Variants in SNX9 observed in about 807,000 individuals in gnomAD.
SNX9 encodes the protein sorting nexin-9.
Under a neutral mutation model 89.4 loss-of-function variants are expected in SNX9, and 44 were observed. The ratio of observed to expected loss-of-function variants is 0.49; its 90% confidence interval spans 0.39 to 0.63. The LOEUF (loss-of-function observed/expected upper bound fraction) is 0.63. SNX9 is among the 30% of genes least tolerant of loss of function. The pLI, the probability that SNX9 is intolerant of heterozygous loss-of-function variation, is 0.00. For synonymous variants in SNX9, 236 were observed against 247.8 expected, an observed-to-expected ratio of 0.95 and a Z score of 0.45; for missense variants, 578 against 736.1, an observed-to-expected ratio of 0.79 and a Z score of 2.49.
intron 13 of SNX9, chr6:157,934,047 A>G (rs954989534): frequency 1.3e-5 from 2 of 152,242 alleles, no homozygotes; most frequent in African/African-American, 4.8e-5. Context: ...TACTGTGTCC[A>G]TCACATCCAC....
chr6:157,876,935 GT>G (rs1782533079), intron 4 of SNX9, among the ~76,000 whole-genome samples: 1 of 152,246 alleles, frequency 6.6e-6, no homozygotes, highest in Non-Finnish European at 1.5e-5. Flanking sequence ...AGCCAAGCCA[GT>G]TGAGATTCAC....
At chr6:157,855,163 C>T (rs1390897856) in intron 1 of SNX9, among the ~76,000 whole-genome samples, 11 of 152,020 alleles carry the variant, frequency 7.2e-5, no homozygotes, top group Non-Finnish European at 1.6e-4. Context: ...AAGTGGTGTG[C>T]CTGATTTGTT....
chr6:157,942,066 T>A (rs1784046960), intron 17 of SNX9, among the ~76,000 whole-genome samples: 1 of 152,248 alleles, frequency 6.6e-6, no homozygotes, highest in Admixed American at 6.5e-5. Flanking sequence ...TATGGTATAG[T>A]GACATTGTAA....
At chr6:157,867,656 T>A (rs757739250) in intron 2 of SNX9, 23 bp downstream of exon 2, 5 of 1,552,660 alleles carry the variant, frequency 3.2e-6, no homozygotes, top group Non-Finnish European at 3.5e-6. Context: ...TACATTCGAG[T>A]CTGATTGTCC....
intron 1 of SNX9, among the ~76,000 whole-genome samples, chr6:157,852,688 C>G (rs969269870): frequency 1.3e-5 from 2 of 152,088 alleles, no homozygotes; most frequent in Non-Finnish European, 2.9e-5. Flanking sequence ...GCGATCCTCC[C>G]ACTTCTACCT....
rs1277371289 is a variant in SNX9 at position 157,902,045 on chromosome 6, A to G, written c.620A>G (p.Lys207Arg). Residue 207 changes from lysine (K) to arginine (R), a missense_variant and splice_region_variant, in exon 6 of 18, where the codon AAA becomes AGA. Around this residue, in one of 2 missense-constraint regions of SNX9, gnomAD observed 348 missense variants for 491.4 expected, o/e 0.71. Transcript: ENST00000392185. ...TCATCCATGAAAATTCCCCTTAACAAGTAAGTTTAAAGGGGAGCCAGGGAA... is the reference window on the plus strand; with the variant it reads ...TCATCCATGAAAATTCCCCTTAACAGGTAAGTTTAAAGGGGAGCCAGGGAA... ...SSSSMKIPLN[K>R]FPGFAKPGTE... 3 of 1,613,412 alleles carry G rather than the reference A, an allele frequency of 1.9e-6. No homozygotes were observed. Among genetic ancestry groups the G allele is most frequent in the Non-Finnish European group, 2.5e-6 (3 of 1,179,800 alleles).
chr6:157,867,338 G>A (rs1013393690), intron 1 of SNX9, among the ~76,000 whole-genome samples: 3 of 152,260 alleles, frequency 2.0e-5, no homozygotes, highest in East Asian at 1.9e-4. Flanking sequence ...CCCTGCCTCC[G>A]GAACAGAACA....
chr6:157,840,432 T>TCTTTCTTTC (rs201775494), intron 1 of SNX9, among the ~76,000 whole-genome samples: 101 of 138,704 alleles, frequency 7.3e-4, no homozygotes, highest in Non-Finnish European at 1.2e-3. Context: ...TTCTTTCTTT[T>TCTTTCTTTC]CTTTCCTTTC....
At chr6:157,847,578 A>C (rs1023851816) in intron 1 of SNX9, among the ~76,000 whole-genome samples, 1 of 152,026 alleles carries the variant, frequency 6.6e-6, no homozygotes, top group African/African-American at 2.4e-5. Context: ...TTTTGGGACT[A>C]AAGTGGCAAG....
intron 1 of SNX9, among the ~76,000 whole-genome samples, chr6:157,841,060 C>T (rs1781693662): frequency 6.6e-6 from 1 of 152,122 alleles, no homozygotes; most frequent in East Asian, 1.9e-4. Context: ...TTCCTGAAGC[C>T]CCAGCAGTCT....
chr6:157,913,753 G>A (rs950951742), intron 9 of SNX9, among the ~76,000 whole-genome samples: 4 of 152,208 alleles, frequency 2.6e-5, no homozygotes, highest in East Asian at 1.9e-4. Context: ...AGCATGCAGT[G>A]TATAGTCTTT....
intron 1 of SNX9, 77 bp from the exon 2 acceptor site, chr6:157,867,470 G>GTAAAC: frequency 8.9e-7 from 1 of 1,118,384 alleles, no homozygotes. Context: ...TGCTTAGAAA[G>GTAAAC]TGAACTGTAC....
intron 1 of SNX9, among the ~76,000 whole-genome samples, chr6:157,857,954 T>C (rs564210209): frequency 1.5e-4 from 23 of 152,200 alleles, no homozygotes; most frequent in Non-Finnish European, 1.6e-4. Context: ...GTGGTTCTTG[T>C]GGTCTGGAGA....
intron 8 of SNX9, 28 bp downstream of exon 8, chr6:157,909,818 A>G (rs1374628131): frequency 6.2e-7 from 1 of 1,613,312 alleles, no homozygotes. Flanking sequence ...CAAAAGCAGA[A>G]TCATGTTTGG....
At chr6:157,934,061 C>T (rs1357289683) in intron 13 of SNX9, 2 of 152,194 alleles carry the variant, frequency 1.3e-5, no homozygotes, top group African/African-American at 4.8e-5. Flanking sequence ...CATCCACTTG[C>T]TCAGATGTGT....
In SNX9 at chr6:157,873,148, G is replaced by A. The variant is rs754286836; in HGVS notation, c.146G>A (p.Arg49Gln). ...WLEGRNIKGERGLVPTDYVEI... is the reference protein window; with the variant it reads ...WLEGRNIKGEQGLVPTDYVEI... ...GAAGGAAGAAACATCAAAGGAGAAC[G>A]AGGGCTGGTTCCCACAGACTACGTT... Residue 49 changes from arginine (R) to glutamine (Q), a missense_variant, in exon 3 of 18, where the codon CGA becomes CAA. Around this residue, in one of 2 missense-constraint regions of SNX9, gnomAD observed 230 missense variants for 244.7 expected, o/e 0.94. Coordinates refer to ENST00000392185, the MANE Select transcript of SNX9 (RefSeq NM_016224.5). 1.2e-5 allele frequency: 19 copies of A among 1,601,698 alleles called. No individual in the cohort carries two copies. The East Asian group carries it at 2.0e-4, about 17-fold the overall frequency.
In SNX9 at chr6:157,902,157, A is replaced by G. The variant is rs1215929246; in HGVS notation, c.620+112A>G. 6 of 930,804 alleles carry G rather than the reference A, an allele frequency of 6.4e-6. No individual in the cohort carries two copies. The South Asian group carries it at 1.6e-4, about 25-fold the overall frequency. 57.7% of individuals were successfully genotyped at this position (930,804 alleles called of 1,614,324 possible). On this transcript the variant is annotated intron_variant, in intron 6 of 17. Transcript: ENST00000392185. ...CCTTTTCCCTTTCCAGTGATCTCCTAAGTTTTGGATATGATTCAGTTATTT... is the reference window on the plus strand; with the variant it reads ...CCTTTTCCCTTTCCAGTGATCTCCTGAGTTTTGGATATGATTCAGTTATTT...
intron 4 of SNX9, among the ~76,000 whole-genome samples, chr6:157,884,604 C>T (rs781351827): frequency 2.6e-5 from 4 of 152,044 alleles, no homozygotes; most frequent in Admixed American, 6.6e-5. Flanking sequence ...CCCACCCCCC[C>T]GTATGAATTC....
rs952305898 is a variant in SNX9 at position 157,854,969 on chromosome 6, A to AC, written c.13-12574dup. Among the ~76,000 whole-genome samples, 627 of 148,448 alleles carry AC rather than the reference A, an allele frequency of 4.2e-3. 5 individuals carry two copies. The highest frequency in any genetic ancestry group is 0.015 in the African/African-American group (598 of 40,156). Reference sequence around the variant, plus strand: ...GGTTCATGTTAAAAAAAAAAAAAAAACCCCACAACACTACAAAAGGGCAAA... The same window carrying AC: ...GGTTCATGTTAAAAAAAAAAAAAAAACCCCCACAACACTACAAAAGGGCAAA... On this transcript the variant is annotated intron_variant, in intron 1 of 17. Coordinates refer to ENST00000392185, the MANE Select transcript of SNX9 (RefSeq NM_016224.5).
Sources: allele counts gnomAD v4.1 joint callset (sites outside exome capture counted in the v4.1 genomes callset), GRCh38; gene constraint gnomAD v4.1.1; regional missense constraint gnomAD v4.1.1; transcripts MANE v1.5; gene names NCBI Gene and HGNC (gene_info 2026-07-23, HGNC 2026-07-21).